DECR2: variants seen among roughly 807,000 people sequenced by gnomAD.
DECR2 encodes the protein 2,4-dienoyl-CoA reductase 2.
A neutral mutation model predicts 29.2 loss-of-function variants in DECR2; 34 were observed. That is an observed-to-expected ratio of 1.16 (90% CI 0.89 to 1.55). The LOEUF is 1.55. DECR2 is among the 40% of genes most tolerant of loss of function. DECR2 has a pLI of 0.00. For missense variants in DECR2, 485 were observed against 425.3 expected (o/e 1.14, Z -1.23); for synonymous variants, 224 against 182.7 (o/e 1.23, Z -1.82).
chr16:411,493 T>C lies in DECR2; in HGVS notation c.794T>C (p.Leu265Pro). 1 of 1,613,998 alleles carries C rather than the reference T, an allele frequency of 6.2e-7. No homozygotes were observed. The highest frequency in any genetic ancestry group is 8.5e-7 in the Non-Finnish European group (1 of 1,180,000). ...GCTTCCTACGTGACGGGGGCCGTGC[T>C]GGTGGCCGATGGCGGGGCATGGTTG... The part of the protein sequence containing the change: ...PLASYVTGAV[L>P]VADGGAWLTF... Residue 265 changes from leucine to proline, a missense_variant, in exon 8 of 9, where the codon CTG becomes CCG. Leu to Pro is a moderately conservative substitution (Grantham distance 98, BLOSUM62 -3). Coordinates refer to ENST00000219481, the MANE Select transcript of DECR2 (RefSeq NM_020664.4).
At position 412,176 on chromosome 16, in the gene DECR2, G is replaced by C. The variant is rs575380193; in HGVS notation, c.*287G>C. On this transcript the variant is annotated 3_prime_UTR_variant, in exon 9 of 9. Transcript: ENST00000219481. ...ATGCTGGGATGTCCCCTGCCCCATG[G>C]TCAAGGGTGTCCTGCCTGCCTGGGT... 1 of 152,832 alleles carries C rather than the reference G, an allele frequency of 6.5e-6. No individual in the cohort carries two copies. Among genetic ancestry groups the C allele is most frequent in the East Asian group, 1.9e-4 (1 of 5,188 alleles). 9.5% of individuals were successfully genotyped at this position (152,832 alleles called of 1,614,324 possible). A position where few individuals can be genotyped will look rare whatever the true frequency, so the allele number is the denominator to read the frequency against.
intron 4 of DECR2, among the ~76,000 whole-genome samples, chr16:409,111 C>T (rs555794195): frequency 3.3e-4 from 50 of 152,074 alleles, no homozygotes; most frequent in African/African-American, 1.1e-3. Flanking sequence ...GGATTACAGG[C>T]GTGAGCCGCC....
chr16:406,981 C>T (rs1597200767), intron 3 of DECR2: 1 of 1,016,928 alleles, frequency 9.8e-7, no homozygotes, highest in Non-Finnish European at 1.2e-6. Context: ...ACATCTTTGA[C>T]TTTTTAAAAA....
intron 2 of DECR2, 41 bp from the exon 3 acceptor site, chr16:406,305 C>G: frequency 6.3e-7 from 1 of 1,598,046 alleles, no homozygotes. Context: ...CGGGAGTGCC[C>G]CTCGCCCACA....
At chr16:411,300 G>A (rs748741285) in intron 7 of DECR2, 61 bp from the exon 8 acceptor site, 850 of 1,499,066 alleles carry the variant, frequency 5.7e-4, no homozygotes, top group Non-Finnish European at 7.0e-4. Flanking sequence ...ATGAGCTGGG[G>A]GAGAGGGGAG....
At chr16:408,024 C>T (rs1210401630) in intron 4 of DECR2, among the ~76,000 whole-genome samples, 7 of 56,290 alleles carry the variant, frequency 1.2e-4, no homozygotes, top group Non-Finnish European at 7.5e-5. Context: ...CCCCTGTCTC[C>T]GGGCCCCTGT....
At chr16:404,588 T>G (rs2054703441) in intron 1 of DECR2, among the ~76,000 whole-genome samples, 1 of 152,036 alleles carries the variant, frequency 6.6e-6, no homozygotes, top group Admixed American at 6.5e-5. Flanking sequence ...GAGGTGTATT[T>G]TAACAGGGCT....
intron 1 of DECR2, among the ~76,000 whole-genome samples, chr16:404,572 A>G (rs2054703186): frequency 6.6e-6 from 1 of 152,108 alleles, no homozygotes; most frequent in Admixed American, 6.5e-5. Context: ...CCGTATAGCA[A>G]TATGGGAGGT....
chr16:411,344 C>T lies in DECR2; in HGVS notation c.662-17C>T. 1 of 1,597,856 alleles carries T rather than the reference C, an allele frequency of 6.3e-7. No individual in the cohort carries two copies. The highest frequency in any genetic ancestry group is 1.1e-5 in the South Asian group (1 of 90,528). On this transcript the variant is annotated splice_polypyrimidine_tract_variant and intron_variant, in intron 7 of 8. Transcript: ENST00000219481. ...GTCTTGGGGCTCACGGGGCCTGAGCCTTCTGCTGCCCTCCAGGTGGCCCTC... is the reference window on the plus strand; with the variant it reads ...GTCTTGGGGCTCACGGGGCCTGAGCTTTCTGCTGCCCTCCAGGTGGCCCTC...
intron 4 of DECR2, among the ~76,000 whole-genome samples, chr16:409,382 G>A (rs943726185): frequency 1.4e-4 from 20 of 147,528 alleles, no homozygotes; most frequent in Non-Finnish European, 2.1e-4. Flanking sequence ...ATGTTAGCCA[G>A]GATGGTCTCG....
Position 401,921 on chromosome 16 carries a change from G to C in DECR2, c.-43G>C, listed in dbSNP as rs1188324928. The C allele has an allele frequency of 6.8e-7, 1 of 1,466,592 alleles. No homozygotes were observed. Among genetic ancestry groups the C allele is most frequent in the Non-Finnish European group, 9.0e-7 (1 of 1,114,550 alleles). The allele number at this position is 1,466,592 out of a possible 1,614,324, so 90.8% of individuals were successfully genotyped here. ...TGCGCGCCGGGTCCTGGAGGCCGAG[G>C]CCGCTCCCGCCCGTTGTCCCCGCAG... is the stretch of plus-strand genomic sequence containing the variant. On this transcript the variant is annotated 5_prime_UTR_variant, in exon 1 of 9. Coordinates refer to ENST00000219481, the MANE Select transcript of DECR2 (RefSeq NM_020664.4).
At chr16:407,158 G>A in intron 3 of DECR2, 1 of 1,277,672 alleles carries the variant, frequency 7.8e-7, no homozygotes, top group Non-Finnish European at 9.9e-7. Context: ...TCTGCAGCAG[G>A]GGCAGGACAT....
rs762327591 is a variant in DECR2, at chr16:410,963, T to G, written c.557-9T>G. Reference sequence around the variant, plus strand: ...GCGGCCCTTTCATATCCAACTTTCTTCTGTGCAGACGCGATGACGCGGCAC... The same window carrying G: ...GCGGCCCTTTCATATCCAACTTTCTGCTGTGCAGACGCGATGACGCGGCAC... On this transcript the variant is annotated splice_polypyrimidine_tract_variant and intron_variant, in intron 6 of 8. Transcript: ENST00000219481. The surrounding 1 kb of genome is among the most constrained non-coding windows in gnomAD (Gnocchi z 4.1). 9 of 1,590,956 alleles carry G rather than the reference T, an allele frequency of 5.7e-6. No individual in the cohort carries two copies. In the South Asian group the frequency reaches 1.0e-4, roughly 18 times the overall value.
rs2054799934 is a variant in DECR2, at chr16:410,471, T to C, written c.462+104T>C. On this transcript the variant is annotated intron_variant, in intron 5 of 8. Coordinates refer to ENST00000219481, the MANE Select transcript of DECR2 (RefSeq NM_020664.4). This position sits in a 1 kb window ranked among gnomAD's most constrained non-coding sequence, Gnocchi z 4.1. The stretch of plus-strand genomic sequence containing the variant: ...GTGCCTTGTGCGCTCTGTGAGAAGT[T>C]CTTCCGGGTGGGTGTACTCCCAGCG... 32 of 1,551,268 alleles carry C rather than the reference T, an allele frequency of 2.1e-5. No individual in the cohort carries two copies. The highest frequency in any genetic ancestry group is 1.4e-4 in the East Asian group (6 of 43,344).
At chr16:406,277 G>C (rs1375631813) in intron 2 of DECR2, 69 bp from the exon 3 acceptor site, 1 of 1,475,876 alleles carries the variant, frequency 6.8e-7, no homozygotes, top group East Asian at 2.4e-5. Flanking sequence ...CTCCTGCTCA[G>C]GAGCTGGGCA....
intron 1 of DECR2, among the ~76,000 whole-genome samples, chr16:404,522 G>A (rs976877667): frequency 3.3e-5 from 5 of 152,148 alleles, no homozygotes; most frequent in African/African-American, 4.8e-5. Flanking sequence ...TTAGAGGTGT[G>A]AGCCAAGGCA....
intron 4 of DECR2, among the ~76,000 whole-genome samples, chr16:407,927 GGC>G (rs1567340617): frequency 5.1e-4 from 15 of 29,284 alleles, no homozygotes; most frequent in African/African-American, 1.1e-3. Context: ...CCCCATCTCC[GGC>G]CCCCTGTCTC....
intron 4 of DECR2, 56 bp downstream of exon 4, chr16:407,616 G>C (rs1345058909): frequency 1.9e-5 from 30 of 1,603,598 alleles, no homozygotes; most frequent in Middle Eastern, 1.7e-4. Context: ...GTACCATTTG[G>C]AGGCCCTAGA....
Position 408,192 on chromosome 16 carries a change from C to T in DECR2, c.337+632C>T, listed in dbSNP as rs543987126. 1.9e-3 allele frequency among the ~76,000 whole-genome samples: 266 copies of T among 140,484 alleles called. 9 individuals carry two copies. Among genetic ancestry groups the T allele is most frequent in the Middle Eastern group, 8.1e-3 (2 of 246 alleles). The allele number at this position is 140,484 out of a possible 152,430, so 92.2% of individuals were successfully genotyped here. On this transcript the variant is annotated intron_variant, in intron 4 of 8. Transcript: ENST00000219481. Reference sequence around the variant, plus strand: ...GCCTCTGTCTCCGGGCCTCTGTCTCCGGCCCCCTGTCTCCGGCCCCCTGTC... The same window carrying T: ...GCCTCTGTCTCCGGGCCTCTGTCTCTGGCCCCCTGTCTCCGGCCCCCTGTC...
Sources: gnomAD v4.1 joint callset for allele counts (sites outside exome capture counted in the v4.1 genomes callset) on GRCh38, gnomAD v4.1.1 for gene constraint, Gnocchi (gnomAD v3.1) non-coding constraint, MANE v1.5 for transcripts, NCBI Gene and HGNC (gene_info 2026-07-23, HGNC 2026-07-21) for gene names.